AQR: variants seen among roughly 807,000 people sequenced by gnomAD.
AQR encodes the protein RNA helicase aquarius.
A neutral mutation model predicts 180.5 loss-of-function variants in AQR; 61 were observed. The ratio of observed to expected loss-of-function variants is 0.34; its 90% CI spans 0.28 to 0.42. The LOEUF is 0.42. Ranked by LOEUF, AQR falls within the 10% of genes least tolerant of loss-of-function variation. The probability of loss-of-function intolerance (pLI) is 1.00; values close to 1 mark genes in which losing one functional copy is unlikely to be tolerated. For missense variants in AQR, 1,281 were observed against 1,798.3 expected (o/e 0.71, Z 5.20); for synonymous variants, 551 against 588.8 (o/e 0.94, Z 0.93).
At chr15:34,876,458 C>T (rs760997378) in intron 27 of AQR, among the ~76,000 whole-genome samples, 1 of 152,068 alleles carries the variant, frequency 6.6e-6, no homozygotes, top group African/African-American at 2.4e-5. Context: ...TTCAGTCTCA[C>T]CCCTGGGCAT....
At chr15:34,909,573 T>C (rs1195754226) in intron 17 of AQR, among the ~76,000 whole-genome samples, 1 of 152,236 alleles carries the variant, frequency 6.6e-6, no homozygotes, top group Non-Finnish European at 1.5e-5. Context: ...TAAACTATTA[T>C]TTATTTCTGA....
rs1162964466 is a variant in AQR at position 34,853,274 on chromosome 15, T to C, written c.*3518A>G. ...TTTTTTTTTTAACTTTATCTTGTTT[T>C]GATTGAAGAAACATCTCTAAAAATA... On this transcript the variant is annotated 3_prime_UTR_variant, in exon 35 of 35. Transcript: ENST00000156471. 3 of 152,020 alleles carry C rather than the reference T, an allele frequency of 2.0e-5. No homozygotes were observed. The highest frequency in any genetic ancestry group is 2.9e-5 in the Non-Finnish European group (2 of 68,012). 9.4% of individuals were successfully genotyped at this position (152,020 alleles called of 1,614,324 possible). A position where few individuals can be genotyped will look rare whatever the true frequency, so the allele number is the denominator to read the frequency against.
At chr15:34,948,128 A>G in intron 5 of AQR, 136 bp downstream of exon 5, 5 of 971,692 alleles carry the variant, frequency 5.1e-6, no homozygotes, top group Non-Finnish European at 7.3e-6. Context: ...TCACATACCC[A>G]TTCTTTTTCT....
intron 16 of AQR, among the ~76,000 whole-genome samples, chr15:34,912,592 C>T (rs1207484959): frequency 6.6e-6 from 1 of 151,168 alleles, no homozygotes; most frequent in East Asian, 1.9e-4. Context: ...ATGTAAAAAC[C>T]TCCTTTAGAG....
At chr15:34,925,456 T>A (rs545698797) in intron 13 of AQR, among the ~76,000 whole-genome samples, 70 of 152,384 alleles carry the variant, frequency 4.6e-4, no homozygotes, top group Middle Eastern at 3.4e-3. Context: ...CATGCCCCGT[T>A]TGAATCAGCC....
intron 15 of AQR, among the ~76,000 whole-genome samples, chr15:34,917,829 A>AAG (rs1893619294): frequency 6.6e-6 from 1 of 150,852 alleles, no homozygotes; most frequent in South Asian, 2.1e-4. Flanking sequence ...CTAAAAAAAA[A>AAG]AAAAAAAAGC....
chr15:34,862,442 T>C (rs915126417), intron 33 of AQR, among the ~76,000 whole-genome samples: 11 of 152,196 alleles, frequency 7.2e-5, no homozygotes, highest in Admixed American at 7.2e-4. Context: ...GTTAATAAAA[T>C]AATCTAATAA....
chr15:34,869,937 G>A (rs962028022), intron 31 of AQR: 1 of 152,042 alleles, frequency 6.6e-6, no homozygotes, highest in African/African-American at 2.4e-5. Context: ...TCTATGTTTT[G>A]CTGTTCTTCA....
intron 13 of AQR, among the ~76,000 whole-genome samples, chr15:34,926,548 T>C (rs1367869892): frequency 6.6e-6 from 1 of 152,258 alleles, no homozygotes; most frequent in East Asian, 1.9e-4. Flanking sequence ...TTTTCAGAGT[T>C]GTTTACACAC....
In AQR at chr15:34,867,629, A is replaced by G. The variant is rs1288817316; in HGVS notation, c.3769-20T>C. ...TGTCACCTAGAAATAAAAAATGGAA[A>G]ATATGGTGCATTTGCAAAAGCCAAA... is the stretch of plus-strand genomic sequence containing the variant. On this transcript the variant is annotated intron_variant, in intron 31 of 34. Coordinates refer to ENST00000156471, the MANE Select transcript of AQR (RefSeq NM_014691.3). 1 of 1,586,908 alleles carries G rather than the reference A, an allele frequency of 6.3e-7. No homozygotes were observed. The highest frequency in any genetic ancestry group is 8.6e-7 in the Non-Finnish European group (1 of 1,160,066).
intron 5 of AQR, among the ~76,000 whole-genome samples, chr15:34,946,466 G>T (rs1269743974): frequency 8.5e-6 from 1 of 117,306 alleles, no homozygotes; most frequent in African/African-American, 3.2e-5. Flanking sequence ...CAGCCGCCCC[G>T]TCCAGGAGGG....
chr15:34,905,596 A>T (rs1893399003), intron 18 of AQR, among the ~76,000 whole-genome samples: 1 of 150,562 alleles, frequency 6.6e-6, no homozygotes, highest in African/African-American at 2.5e-5. Flanking sequence ...GTCATTTGAA[A>T]ACCTAAATAT....
chr15:34,890,733 T>C (rs988156717), intron 23 of AQR, among the ~76,000 whole-genome samples: 2 of 152,180 alleles, frequency 1.3e-5, no homozygotes, highest in Admixed American at 1.3e-4. Flanking sequence ...GTTGGTAGAA[T>C]ACATTAAGAG....
intron 30 of AQR, among the ~76,000 whole-genome samples, chr15:34,872,365 T>C (rs1034897669): frequency 1.3e-5 from 2 of 152,174 alleles, no homozygotes; most frequent in Admixed American, 6.6e-5. Flanking sequence ...TGGCAAATCA[T>C]CATCTGAAAA....
In AQR at chr15:34,855,869, A is replaced by G. The variant is rs1221658352; in HGVS notation, c.*923T>C. On this transcript the variant is annotated 3_prime_UTR_variant, in exon 35 of 35. Transcript: ENST00000156471. ...AGGTCCCAGGTACCTCTGCCTTCCC[A>G]TATTTGAACCACATTTTACCTGAAG... 6.6e-6 allele frequency: 1 copy of G among 152,196 alleles called. No homozygotes were observed. The highest frequency in any genetic ancestry group is 1.5e-5 in the Non-Finnish European group (1 of 68,038). The allele number at this position is 152,196 out of a possible 1,614,324, so 9.4% of individuals were successfully genotyped here. A position where few individuals can be genotyped will look rare whatever the true frequency, so the allele number is the denominator to read the frequency against.
At chr15:34,964,157 T>C (rs2050297260) in intron 2 of AQR, 77 bp downstream of exon 2, 1 of 1,028,672 alleles carries the variant, frequency 9.7e-7, no homozygotes, top group East Asian at 2.5e-5. Context: ...AAAAAAATTA[T>C]GGAAAGCTTT....
At chr15:34,953,953 C>T (rs559436461) in intron 3 of AQR, among the ~76,000 whole-genome samples, 5 of 152,278 alleles carry the variant, frequency 3.3e-5, no homozygotes, top group South Asian at 4.1e-4. Flanking sequence ...CTTGCTCCAT[C>T]GCCCACACTA....
chr15:34,918,411 T>C, intron 14 of AQR, 33 bp from the exon 15 acceptor site: 1 of 1,593,754 alleles, frequency 6.3e-7, no homozygotes, highest in East Asian at 2.2e-5. Flanking sequence ...ATGCAGAAGG[T>C]TAGAAGCATC....
intron 13 of AQR, among the ~76,000 whole-genome samples, chr15:34,921,433 C>CAAAAAAAGAAAAAAAAAAAAAAAA (rs1893683782): frequency 1.3e-5 from 1 of 74,912 alleles, no homozygotes; most frequent in African/African-American, 4.4e-5. Flanking sequence ...GACTCCATCT[C>CAAAAAAAGAAAAAAAAAAAAAAAA]AAAAAAAAAA....
Sources: gnomAD v4.1 joint callset for allele counts (sites outside exome capture counted in the v4.1 genomes callset) on GRCh38, gnomAD v4.1.1 for gene constraint, MANE v1.5 for transcripts, NCBI Gene and HGNC (gene_info 2026-07-23, HGNC 2026-07-21) for gene names.